The following BRAF variants were observed in gnomAD, a reference collection of about 807,000 sequenced individuals.
BRAF encodes serine/threonine-protein kinase B-raf.
A neutral mutation model predicts 104.6 loss-of-function variants in BRAF; 16 were observed. The observed-to-expected ratio is 0.15, with a 90% CI of 0.10 to 0.23. BRAF has a LOEUF of 0.23. Ranked by LOEUF, BRAF falls within the 10% of genes least tolerant of loss-of-function variation. The probability of loss-of-function intolerance (pLI) is 1.00; values close to 1 mark genes in which losing one functional copy is unlikely to be tolerated. For synonymous variants in BRAF, 310 were observed against 341.6 expected (o/e 0.91, Z 1.02); for missense variants, 541 against 937.3 (o/e 0.58, Z 5.52).
chr7:140,802,631 G>GAAAC (rs1803249037), intron 5 of BRAF, among the ~76,000 whole-genome samples: 1 of 151,848 alleles, frequency 6.6e-6, no homozygotes, highest in African/African-American at 2.4e-5. Context: ...AGTTTAAAAA[G>GAAAC]TAAAAAAGAA....
rs1309672280 is a variant in BRAF, at chr7:140,811,745, A to G, written c.505-2750T>C. Among the ~76,000 whole-genome samples the G allele has an allele frequency of 2.0e-5, 3 of 152,208 alleles. No individual in the cohort carries two copies. In the East Asian group the frequency reaches 5.8e-4, roughly 29 times the overall value. On this transcript the variant is annotated intron_variant, in intron 3 of 19. Coordinates refer to ENST00000644969, the MANE Select transcript of BRAF (RefSeq NM_001374258.1). Reference sequence around the variant, plus strand: ...AAGCCAATAGGTCTCAACCTGTTGTAATGGAAGAAACAACCTAGAGGCCAA... The same window carrying G: ...AAGCCAATAGGTCTCAACCTGTTGTGATGGAAGAAACAACCTAGAGGCCAA...
In BRAF at chr7:140,812,160, C is replaced by CTGTGTG. The variant is rs201757515; in HGVS notation, c.505-3171_505-3166dup. 5.5e-3 allele frequency among the ~76,000 whole-genome samples: 776 copies of CTGTGTG among 140,616 alleles called. 5 individuals carry two copies. The highest frequency in any genetic ancestry group is 0.018 in the African/African-American group (680 of 38,162). 92.2% of individuals were successfully genotyped at this position (140,616 alleles called of 152,430 possible). A position where few individuals can be genotyped will look rare whatever the true frequency, so the allele number is the denominator to read the frequency against. ...TTTGGGCATGCATGTGCATGCACACCTGTGTGTGTGTGTGTGTGTGTGTGT... is the reference window on the plus strand; with the variant it reads ...TTTGGGCATGCATGTGCATGCACACCTGTGTGTGTGTGTGTGTGTGTGTGTGTGTGT... On this transcript the variant is annotated intron_variant, in intron 3 of 19. Coordinates refer to ENST00000644969, the MANE Select transcript of BRAF (RefSeq NM_001374258.1).
At chr7:140,747,532 AT>A in intron 17 of BRAF, 1 of 521,630 alleles carries the variant, frequency 1.9e-6, no homozygotes, top group Non-Finnish European at 3.1e-6. Flanking sequence ...CTATATTATA[AT>A]TTTATTATTG....
intron 1 of BRAF, among the ~76,000 whole-genome samples, chr7:140,864,592 C>T (rs1810740493): frequency 6.6e-6 from 1 of 151,566 alleles, no homozygotes; most frequent in African/African-American, 2.4e-5. Flanking sequence ...ACAAGAGAAA[C>T]CAAAAATGGC....
At chr7:140,923,521 G>A (rs1331187923) in intron 1 of BRAF, among the ~76,000 whole-genome samples, 1 of 152,114 alleles carries the variant, frequency 6.6e-6, no homozygotes, top group Non-Finnish European at 1.5e-5. Flanking sequence ...AAAAAAATAG[G>A]ACAAAAAGGA....
At chr7:140,805,460 T>C (rs116855799) in intron 5 of BRAF, among the ~76,000 whole-genome samples, 191 of 152,252 alleles carry the variant, frequency 1.3e-3, no homozygotes, top group Middle Eastern at 3.4e-3. Context: ...TGATCATAAA[T>C]TTTAAGCAAT....
chr7:140,915,065 A>C (rs1232469273), intron 1 of BRAF, among the ~76,000 whole-genome samples: 1 of 151,210 alleles, frequency 6.6e-6, no homozygotes, highest in Non-Finnish European at 1.5e-5. Flanking sequence ...AAAAAAAAAA[A>C]AAAAACCATA....
intron 2 of BRAF, among the ~76,000 whole-genome samples, chr7:140,837,028 A>G (rs1408607195): frequency 6.6e-6 from 1 of 152,204 alleles, no homozygotes; most frequent in Non-Finnish European, 1.5e-5. Context: ...ATTATAAACT[A>G]TCACTTCACC....
Position 140,924,592 on chromosome 7 carries a change from C to A in BRAF, c.112G>T (p.Ala38Ser). 6.5e-7 allele frequency: 1 copy of A among 1,530,252 alleles called. No individual in the cohort carries two copies. Among genetic ancestry groups the A allele is most frequent in the Non-Finnish European group, 8.7e-7 (1 of 1,144,752 alleles). 94.8% of individuals were successfully genotyped at this position (1,530,252 alleles called of 1,614,324 possible). ...GAGAGAAASS[A>S]ADPAIPEEVW... ...TCCTCCGGAATGGCAGGGTCCGCAG[C>A]CGAAGAGGCCGCGGCGCCGGCGCCG... Residue 38 changes from alanine to serine, a missense_variant, in exon 1 of 20, where the codon GCT becomes TCT. Physicochemically the swap from Ala to Ser is moderately conservative, Grantham distance 99. This residue lies in a region of BRAF where 82 missense variants were observed against 65.9 expected (regional missense o/e 1.24). Coordinates refer to ENST00000644969, the MANE Select transcript of BRAF (RefSeq NM_001374258.1). This position sits in a 1 kb window ranked among gnomAD's most constrained non-coding sequence, Gnocchi z 4.2.
chr7:140,794,502 G>C (rs759193766), intron 7 of BRAF, 35 bp from the exon 8 acceptor site: 2 of 1,601,558 alleles, frequency 1.2e-6, no homozygotes, highest in Non-Finnish European at 1.7e-6. Flanking sequence ...ATAAGATTCA[G>C]AGTAACGATA....
rs1283913483 is a variant in BRAF at position 140,822,930 on chromosome 7, C to T, written c.504+11679G>A. Reference sequence around the variant, plus strand: ...TTTTAACTCCTGGGCACAAGTGATCCTCCTGCTTCAGCCTCTCAGGTAGCT... The same window carrying T: ...TTTTAACTCCTGGGCACAAGTGATCTTCCTGCTTCAGCCTCTCAGGTAGCT... On this transcript the variant is annotated intron_variant, in intron 3 of 19. Coordinates refer to ENST00000644969, the MANE Select transcript of BRAF (RefSeq NM_001374258.1). Among the ~76,000 whole-genome samples the T allele has an allele frequency of 5.9e-5, 9 of 152,088 alleles. No homozygotes were observed. In the East Asian group the frequency reaches 1.7e-3, roughly 29 times the overall value.
At chr7:140,895,916 T>A (rs1814835290) in intron 1 of BRAF, among the ~76,000 whole-genome samples, 1 of 152,144 alleles carries the variant, frequency 6.6e-6, no homozygotes, top group East Asian at 1.9e-4. Flanking sequence ...CGTACTGACT[T>A]CCCTTCCTTT....
In BRAF at chr7:140,924,202, G is replaced by T. The variant is rs1400737099; in HGVS notation, c.138+364C>A. ...GCAACTAACCTATATCCTCCACGTC[G>T]AGGCCGCCGCCGCCCCCACCCCACA... is the stretch of plus-strand genomic sequence containing the variant. On this transcript the variant is annotated intron_variant, in intron 1 of 19. Transcript: ENST00000644969. The surrounding 1 kb of genome is among the most constrained non-coding windows in gnomAD (Gnocchi z 4.2). 6.6e-6 allele frequency among the ~76,000 whole-genome samples: 1 copy of T among 152,036 alleles called. No individual in the cohort carries two copies. The highest frequency in any genetic ancestry group is 2.4e-5 in the African/African-American group (1 of 41,406).
At position 140,924,369 on chromosome 7, in the gene BRAF, CATTGTGT is replaced by C. The variant is rs1818620068; in HGVS notation, c.138+190_138+196del. 6.6e-6 allele frequency among the ~76,000 whole-genome samples: 1 copy of C among 152,182 alleles called. No homozygotes were observed. Among genetic ancestry groups the C allele is most frequent in the Non-Finnish European group, 1.5e-5 (1 of 68,024 alleles). On this transcript the variant is annotated intron_variant, in intron 1 of 19. Coordinates refer to ENST00000644969, the MANE Select transcript of BRAF (RefSeq NM_001374258.1). The surrounding 1 kb of genome is among the most constrained non-coding windows in gnomAD (Gnocchi z 4.2). ...TGGGGGCCAGGGAAACCCCCCGGGC[CATTGTGT>C]GTGTTTACGTAGGAAGGCGCTGCAT...
chr7:140,808,774 C>CT (rs1414685180), intron 4 of BRAF, 118 bp downstream of exon 4: 1 of 815,872 alleles, frequency 1.2e-6, no homozygotes, highest in Non-Finnish European at 2.0e-6. Flanking sequence ...TATTTTAATA[C>CT]TTTTTCCTAA....
intron 1 of BRAF, among the ~76,000 whole-genome samples, chr7:140,868,544 GA>G (rs553584226): frequency 3.9e-5 from 6 of 152,080 alleles, no homozygotes; most frequent in Non-Finnish European, 8.8e-5. Context: ...CACAGAGACA[GA>G]AATTAGATTG....
chr7:140,807,234 T>G (rs574603853), intron 5 of BRAF, among the ~76,000 whole-genome samples: 9 of 152,286 alleles, frequency 5.9e-5, no homozygotes, highest in African/African-American at 1.9e-4. Flanking sequence ...CCATTCTATT[T>G]CCATTAACCT....
At chr7:140,729,737 C>G (rs1179313964) in intron 19 of BRAF, among the ~76,000 whole-genome samples, 1 of 152,250 alleles carries the variant, frequency 6.6e-6, no homozygotes, top group East Asian at 1.9e-4. Flanking sequence ...GAGCTCACAC[C>G]ACTGCACTCC....
At chr7:140,916,673 G>C (rs989190888) in intron 1 of BRAF, among the ~76,000 whole-genome samples, 1 of 152,102 alleles carries the variant, frequency 6.6e-6, no homozygotes, top group Non-Finnish European at 1.5e-5. Flanking sequence ...ATTAATTTTG[G>C]TTGCAACTTT....
Sources: allele counts gnomAD v4.1 joint callset (sites outside exome capture counted in the v4.1 genomes callset), GRCh38; gene constraint gnomAD v4.1.1; regional missense constraint gnomAD v4.1.1; non-coding constraint Gnocchi (gnomAD v3.1); transcripts MANE v1.5; gene names NCBI Gene and HGNC (gene_info 2026-07-23, HGNC 2026-07-21).